Variants in JUP observed in about 807,000 individuals in gnomAD.
JUP encodes catenin (cadherin-associated protein), gamma 80kDa.
Under a neutral mutation model 71.1 loss-of-function variants are expected in JUP, and 28 were observed. The ratio of observed to expected loss-of-function variants is 0.39; its 90% CI spans 0.29 to 0.54. The LOEUF (loss-of-function observed/expected upper bound fraction) is 0.54. JUP is among the 20% of genes least tolerant of loss of function. JUP has a pLI of 0.62. For missense variants in JUP, 869 were observed against 1,030.1 expected, an observed-to-expected ratio of 0.84 and a Z score of 2.14; for synonymous variants, 401 against 438.9, an observed-to-expected ratio of 0.91 and a Z score of 1.08.
Position 41,763,873 on chromosome 17 carries a change from G to A in JUP, c.1159-552C>T, listed in dbSNP as rs112270481. On this transcript the variant is annotated intron_variant, in intron 7 of 13. Transcript: ENST00000393931. Reference sequence around the variant, plus strand: ...CTCACTTCTCCCAGGGAGACACGTGGGCCTTGTGGTGGAACAGAAAAACCC... The same window carrying A: ...CTCACTTCTCCCAGGGAGACACGTGAGCCTTGTGGTGGAACAGAAAAACCC... 2.9e-3 allele frequency among the ~76,000 whole-genome samples: 445 copies of A among 152,294 alleles called. 3 individuals are homozygous for A. The highest frequency in any genetic ancestry group is 0.01 in the African/African-American group (430 of 41,566).
chr17:41,765,130 G>T, intron 5 of JUP, 63 bp from the exon 6 acceptor site: 1 of 1,503,308 alleles, frequency 6.7e-7, no homozygotes, highest in Non-Finnish European at 9.2e-7. Context: ...AAGGAAGCGC[G>T]GGACAGGAGA....
rs547101684 is a variant in JUP, at chr17:41,771,952, C to T, written c.-8-90G>A. ...CGTCACCAAGCCCCGCCTGTCTTCCCACATCATCACCATGGCCCAGGGATT... is the reference window on the plus strand; with the variant it reads ...CGTCACCAAGCCCCGCCTGTCTTCCTACATCATCACCATGGCCCAGGGATT... On this transcript the variant is annotated intron_variant, in intron 1 of 13. Coordinates refer to ENST00000393931, the MANE Select transcript of JUP (RefSeq NM_002230.4). The T allele has an allele frequency of 5.2e-4, 548 of 1,061,538 alleles. 1 individual carries two copies. Among genetic ancestry groups the T allele is most frequent in the South Asian group, 1.9e-3 (139 of 74,058 alleles). 65.8% of individuals were successfully genotyped at this position (1,061,538 alleles called of 1,614,324 possible). A position where few individuals can be genotyped will look rare whatever the true frequency, so the allele number is the denominator to read the frequency against.
intron 12 of JUP, 48 bp downstream of exon 12, chr17:41,757,367 T>C (rs1041172365): frequency 1.2e-6 from 2 of 1,612,094 alleles, no homozygotes; most frequent in South Asian, 2.2e-5. Context: ...CCATGGGCAG[T>C]GCCCAACTTG....
chr17:41,757,611 C>G (rs782658098), intron 11 of JUP, 23 bp downstream of exon 11: 11 of 1,613,792 alleles, frequency 6.8e-6, no homozygotes, highest in Non-Finnish European at 7.6e-6. Flanking sequence ...TGGGACCCAG[C>G]CTCCTGCCCT....
intron 7 of JUP, among the ~76,000 whole-genome samples, chr17:41,764,069 G>A (rs74731707): frequency 0.042 from 6,377 of 152,332 alleles, 157 homozygotes; most frequent in Middle Eastern, 0.12. Context: ...CAGAGGGCCA[G>A]CACAGGGTGA....
In JUP at chr17:41,758,482, T is replaced by C; in HGVS notation, c.1690A>G (p.Thr564Ala). ...VRMEEIVEGC[T>A]GALHILARDP... ...CGGGCGAGGATGTGCAGTGCTCCGG[T>C]GCAGCCCTCCACAATCTCCTCCATC... is the stretch of plus-strand genomic sequence containing the variant. The change falls in exon 10 of 14, where the codon ACC (threonine) becomes GCC (alanine). Residue 564 changes from threonine (T) to alanine (A), a missense_variant. Physicochemically the swap from Thr to Ala is moderately conservative, Grantham distance 58. Coordinates refer to ENST00000393931, the MANE Select transcript of JUP (RefSeq NM_002230.4). 5 of 1,613,872 alleles carry C rather than the reference T, an allele frequency of 3.1e-6. No homozygotes were observed. The highest frequency in any genetic ancestry group is 4.2e-6 in the Non-Finnish European group (5 of 1,179,820).
chr17:41,772,662 C>A (rs1916848095), intron 1 of JUP, among the ~76,000 whole-genome samples: 1 of 152,170 alleles, frequency 6.6e-6, no homozygotes, highest in Non-Finnish European at 1.5e-5. Flanking sequence ...TGCTCAGAGG[C>A]CACGGCCATT....
Position 41,758,862 on chromosome 17 carries a change from G to T in JUP, c.1506C>A (p.Ile502=). The change falls in exon 9 of 14, where the codon ATC becomes ATA. Residue 502 remains isoleucine, a synonymous_variant. Coordinates refer to ENST00000393931, the MANE Select transcript of JUP (RefSeq NM_002230.4). ...ACAGGGCCAGATTCCTGATCAAGCC[G>T]ATGGTTGCCTGGCAAAAAAAGGGGC... ...PNQWPLVKAT[I]GLIRNLALCP... The T allele has an allele frequency of 6.2e-7, 1 of 1,606,698 alleles. No homozygotes were observed.
At chr17:41,764,004 C>G (rs1006135041) in intron 7 of JUP, among the ~76,000 whole-genome samples, 1 of 152,140 alleles carries the variant, frequency 6.6e-6, no homozygotes, top group South Asian at 2.1e-4. Context: ...ATCTAACCCA[C>G]AGGGTCCCAC....
intron 5 of JUP, among the ~76,000 whole-genome samples, chr17:41,767,121 C>T (rs1555604380): frequency 4.0e-5 from 6 of 151,334 alleles, no homozygotes; most frequent in African/African-American, 1.5e-4. Flanking sequence ...GATGTGTACA[C>T]ATCTGTAATC....
intron 2 of JUP, chr17:41,771,307 C>G (rs1916612878): frequency 5.6e-6 from 2 of 354,020 alleles, no homozygotes; most frequent in Non-Finnish European, 1.1e-5. Flanking sequence ...GCTGGGATTA[C>G]AGGCATGAGC....
Position 41,763,097 on chromosome 17 carries a change from G to A in JUP, c.1383C>T (p.His461=). ...ITEPAVCALR[H]LTSRHPEAEM... ...CGGCCTCAGGGTGGCGGCTAGTGAG[G>A]TGGCGCAGAGCGCAGACGGCAGGCT... The change falls in exon 8 of 14, where the codon CAC becomes CAT. Residue 461 remains histidine, a synonymous_variant. Coordinates refer to ENST00000393931, the MANE Select transcript of JUP (RefSeq NM_002230.4). The A allele has an allele frequency of 6.2e-7, 1 of 1,614,158 alleles. No homozygotes were observed. Among genetic ancestry groups the A allele is most frequent in the Non-Finnish European group, 8.5e-7 (1 of 1,179,986 alleles).
intron 1 of JUP, among the ~76,000 whole-genome samples, chr17:41,777,369 G>A (rs1555609054): frequency 6.6e-6 from 1 of 152,210 alleles, no homozygotes; most frequent in African/African-American, 2.4e-5. Flanking sequence ...CTCTGTCCCT[G>A]GCTCCTGCTG....
chr17:41,765,361 T>A (rs1555603651), intron 5 of JUP, among the ~76,000 whole-genome samples: 2 of 150,756 alleles, frequency 1.3e-5, no homozygotes, highest in Non-Finnish European at 3.0e-5. Context: ...TTTTTTTGTT[T>A]TTTTTTTTGA....
At position 41,755,831 on chromosome 17, in the gene JUP, G is replaced by C; in HGVS notation, c.2151C>G (p.His717Gln). ...SDVPLDPLEMHMDMDGDYPID... is the reference protein window; with the variant it reads ...SDVPLDPLEMQMDMDGDYPID... ...TGGGGTAGTCTCCATCCATGTCCAT[G>C]TGCATCTCCAGCGGGTCAAGGGGCA... is the stretch of plus-strand genomic sequence containing the variant. Residue 717 changes from histidine (H) to glutamine (Q), a missense_variant, in exon 14 of 14, where the codon CAC becomes CAG. Transcript: ENST00000393931. 1 of 1,613,524 alleles carries C rather than the reference G, an allele frequency of 6.2e-7. No homozygotes were observed. The highest frequency in any genetic ancestry group is 1.3e-5 in the African/African-American group (1 of 75,022).
At chr17:41,770,155 C>T (rs1022691769) in intron 2 of JUP, among the ~76,000 whole-genome samples, 3 of 152,116 alleles carry the variant, frequency 2.0e-5, no homozygotes, top group East Asian at 1.9e-4. Context: ...AGTCTAATTA[C>T]ACCCTCATCA....
At chr17:41,763,841 C>T (rs567242271) in intron 7 of JUP, among the ~76,000 whole-genome samples, 25 of 152,296 alleles carry the variant, frequency 1.6e-4, no homozygotes, top group Non-Finnish European at 2.4e-4. Flanking sequence ...CTACCTCAGA[C>T]GTCTATCTCA....
rs112787493 is a variant in JUP at position 41,769,127 on chromosome 17, G to C, written c.549C>G (p.Pro183=). ...TACGCACGACAGCGGCCACCAGCTG[G>C]GGCGAGCCCATCAGGGCCCGCCGCG... The part of the protein sequence containing the change: ...EASRRALMGS[P]QLVAAVVRTM... Residue 183 remains proline, a synonymous_variant, in exon 4 of 14, where the codon CCC becomes CCG. Coordinates refer to ENST00000393931, the MANE Select transcript of JUP (RefSeq NM_002230.4). 1.9e-5 allele frequency: 31 copies of C among 1,610,340 alleles called. No individual in the cohort carries two copies. The highest frequency in any genetic ancestry group is 1.3e-4 in the African/African-American group (10 of 75,044).
chr17:41,759,057 T>C (rs1282008434), intron 8 of JUP, among the ~76,000 whole-genome samples, 187 bp from the exon 9 acceptor site: 3 of 149,614 alleles, frequency 2.0e-5, no homozygotes, highest in African/African-American at 4.9e-5. Context: ...GATCTGGGAG[T>C]GCTCATGGCT....
Sources: gnomAD v4.1 joint callset for allele counts (sites outside exome capture counted in the v4.1 genomes callset) on GRCh38, gnomAD v4.1.1 for gene constraint, MANE v1.5 for transcripts, NCBI Gene and HGNC (gene_info 2026-07-23, HGNC 2026-07-21) for gene names.